The following PPP1R9A variants were observed in gnomAD, a reference collection of about 807,000 sequenced individuals.
The protein encoded by PPP1R9A is neurabin-1.
A neutral mutation model predicts 141.9 loss-of-function variants in PPP1R9A; 59 were observed. The ratio of observed to expected loss-of-function variants is 0.42; its 90% confidence interval spans 0.34 to 0.52. PPP1R9A has a LOEUF of 0.52. Ranked by LOEUF, PPP1R9A falls within the 20% of genes least tolerant of loss-of-function variation. The pLI, the probability that PPP1R9A is intolerant of heterozygous loss-of-function variation, is 0.10. For missense variants in PPP1R9A, 1,444 were observed against 1,611.9 expected, an observed-to-expected ratio of 0.90 and a Z score of 1.78; for synonymous variants, 500 against 569.7, an observed-to-expected ratio of 0.88 and a Z score of 1.74.
intron 4 of PPP1R9A, among the ~76,000 whole-genome samples, chr7:95,128,536 TTTTTC>T (rs1410486634): frequency 5.3e-5 from 8 of 152,146 alleles, no homozygotes; most frequent in Non-Finnish European, 8.8e-5. Flanking sequence ...CACTCATCAA[TTTTTC>T]TTTTCTTTTC....
At position 95,161,967 on chromosome 7, in the gene PPP1R9A, G is replaced by A. The variant is rs750720867; in HGVS notation, c.1750G>A (p.Val584Ile). The A allele has an allele frequency of 8.1e-6, 13 of 1,602,052 alleles. No homozygotes were observed. The highest frequency in any genetic ancestry group is 1.7e-4 in the Middle Eastern group (1 of 6,060). Residue 584 changes from valine (V) to isoleucine (I), a missense_variant, in exon 5 of 20, where the codon GTC becomes ATC. Val to Ile is a conservative substitution (Grantham distance 29). Transcript: ENST00000433360. ...AGTTCTCAGAAACACCAAGGGCAACGTCAGGTAAATACGTGCCTTCTAATA... is the reference window on the plus strand; with the variant it reads ...AGTTCTCAGAAACACCAAGGGCAACATCAGGTAAATACGTGCCTTCTAATA... ...ATVLRNTKGN[V>I]RFVIGREKPG...
Position 94,915,006 on chromosome 7 carries a change from T to TC in PPP1R9A, c.1395+3502dup, listed in dbSNP as rs1277270687. 9.2e-5 allele frequency among the ~76,000 whole-genome samples: 14 copies of TC among 152,298 alleles called. 1 individual carries two copies. The South Asian group carries it at 2.9e-3, about 32-fold the overall frequency. Reference sequence around the variant, plus strand: ...TGTCCTTTGGATTGGTATTTTTTTTTCCCCTCAAATACTATTGTGTTACAA... The same window carrying TC: ...TGTCCTTTGGATTGGTATTTTTTTTTCCCCCTCAAATACTATTGTGTTACAA... On this transcript the variant is annotated intron_variant, in intron 2 of 19. Transcript: ENST00000433360.
At chr7:94,975,045 A>G (rs1242625315) in intron 2 of PPP1R9A, among the ~76,000 whole-genome samples, 1 of 152,164 alleles carries the variant, frequency 6.6e-6, no homozygotes, top group Non-Finnish European at 1.5e-5. Flanking sequence ...TTTTCAGATA[A>G]GTTTAGCTAG....
At chr7:94,987,093 A>C (rs777573276) in intron 2 of PPP1R9A, among the ~76,000 whole-genome samples, 1 of 152,218 alleles carries the variant, frequency 6.6e-6, no homozygotes, top group Non-Finnish European at 1.5e-5. Flanking sequence ...GAATAAAAAT[A>C]AAATGTTTGC....
chr7:95,219,070 T>C (rs1793987885), intron 7 of PPP1R9A, among the ~76,000 whole-genome samples: 1 of 152,214 alleles, frequency 6.6e-6, no homozygotes, highest in African/African-American at 2.4e-5. Flanking sequence ...GCCTCGATGG[T>C]CTTTACAATT....
intron 2 of PPP1R9A, among the ~76,000 whole-genome samples, chr7:95,030,436 T>G (rs1044499946): frequency 6.6e-6 from 1 of 152,188 alleles, no homozygotes; most frequent in Non-Finnish European, 1.5e-5. Flanking sequence ...CCTCTGAGAC[T>G]GTAGAGAAAA....
intron 4 of PPP1R9A, among the ~76,000 whole-genome samples, chr7:95,139,947 T>C (rs566115319): frequency 1.3e-5 from 2 of 152,270 alleles, no homozygotes; most frequent in Admixed American, 6.5e-5. Context: ...TTGTTTTCCT[T>C]TAAAGCAAAT....
intron 2 of PPP1R9A, among the ~76,000 whole-genome samples, chr7:94,992,112 C>T (rs765139558): frequency 5.9e-5 from 9 of 152,200 alleles, no homozygotes; most frequent in Non-Finnish European, 1.0e-4. Context: ...AAATGAATGT[C>T]ACACCCCAAA....
intron 4 of PPP1R9A, among the ~76,000 whole-genome samples, chr7:95,151,630 C>A (rs947245950): frequency 6.6e-6 from 1 of 150,578 alleles, no homozygotes; most frequent in Non-Finnish European, 1.5e-5. Context: ...GGGCTTTGAA[C>A]AATAATGATG....
chr7:95,074,978 T>C (rs1208831490), intron 2 of PPP1R9A, among the ~76,000 whole-genome samples: 1 of 152,190 alleles, frequency 6.6e-6, no homozygotes, highest in East Asian at 1.9e-4. Context: ...TTGAGACATT[T>C]GTATTTTTTT....
intron 2 of PPP1R9A, among the ~76,000 whole-genome samples, chr7:95,077,294 TCAAA>T (rs1815002695): frequency 1.3e-5 from 2 of 152,174 alleles, no homozygotes; most frequent in Admixed American, 1.3e-4. Flanking sequence ...GTAGTGATCT[TCAAA>T]CAGTTAATTT....
chr7:94,917,824 A>G (rs1562989392), intron 2 of PPP1R9A, among the ~76,000 whole-genome samples: 1 of 152,112 alleles, frequency 6.6e-6, no homozygotes, highest in Non-Finnish European at 1.5e-5. Flanking sequence ...GAGGAAAATC[A>G]CTTTGTGTTA....
At chr7:95,163,988 T>A (rs938151185) in intron 5 of PPP1R9A, among the ~76,000 whole-genome samples, 1 of 152,210 alleles carries the variant, frequency 6.6e-6, no homozygotes, top group African/African-American at 2.4e-5. Flanking sequence ...TCCACCCACC[T>A]TAGCCTCCCA....
chr7:95,072,928 CAT>C (rs1282026817), intron 2 of PPP1R9A, among the ~76,000 whole-genome samples: 1 of 119,280 alleles, frequency 8.4e-6, no homozygotes, highest in Non-Finnish European at 1.6e-5. Context: ...TTATATATTG[CAT>C]ATATATTATA....
intron 8 of PPP1R9A, among the ~76,000 whole-genome samples, chr7:95,235,009 A>G (rs1478632929): frequency 1.3e-5 from 2 of 152,198 alleles, no homozygotes; most frequent in Non-Finnish European, 2.9e-5. Context: ...TTATACAAAA[A>G]TCAACTCAAG....
At chr7:95,229,502 C>G (rs1795613755) in intron 8 of PPP1R9A, among the ~76,000 whole-genome samples, 1 of 151,900 alleles carries the variant, frequency 6.6e-6, no homozygotes, top group Non-Finnish European at 1.5e-5. Flanking sequence ...CCGGCTTTCC[C>G]CCACTTCCCT....
intron 2 of PPP1R9A, among the ~76,000 whole-genome samples, chr7:95,038,080 C>A (rs1808702487): frequency 6.6e-6 from 1 of 151,648 alleles, no homozygotes; most frequent in African/African-American, 2.4e-5. Context: ...TCATTGCACT[C>A]CAGCCTGGGT....
At chr7:94,993,901 A>T (rs1048142540) in intron 2 of PPP1R9A, among the ~76,000 whole-genome samples, 21 of 152,264 alleles carry the variant, frequency 1.4e-4, no homozygotes, top group African/African-American at 4.8e-4. Context: ...AATGTTGGAT[A>T]AAAATGGTGA....
chr7:94,936,821 C>T (rs952951762), intron 2 of PPP1R9A, among the ~76,000 whole-genome samples: 6 of 152,056 alleles, frequency 3.9e-5, no homozygotes, highest in Non-Finnish European at 8.8e-5. Flanking sequence ...TGACCAGTCC[C>T]TGGTCATTAA....
Sources: allele counts gnomAD v4.1 joint callset (sites outside exome capture counted in the v4.1 genomes callset), GRCh38; gene constraint gnomAD v4.1.1; transcripts MANE v1.5; gene names NCBI Gene and HGNC (gene_info 2026-07-23, HGNC 2026-07-21).